Variants in LSAMP observed in about 807,000 individuals in gnomAD.
LSAMP encodes the protein limbic system associated membrane protein, also known as limbic system-associated membrane protein.
LSAMP carries 7 observed loss-of-function variants against 38.6 expected under a neutral mutation model. That is an observed-to-expected ratio of 0.18 (90% confidence interval 0.10 to 0.34). LSAMP has a LOEUF of 0.34. Ranked by LOEUF, LSAMP falls within the 10% of genes least tolerant of loss-of-function variation. The pLI, the probability that LSAMP is intolerant of heterozygous loss-of-function variation, is 1.00. For missense variants in LSAMP, 313 were observed against 420.0 expected (o/e 0.75, Z 2.23); for synonymous variants, 154 against 166.8 (o/e 0.92, Z 0.59).
intron 1 of LSAMP, among the ~76,000 whole-genome samples, chr3:116,116,064 G>A (rs958262559): frequency 1.4e-5 from 2 of 143,736 alleles, no homozygotes; most frequent in Non-Finnish European, 3.0e-5. Context: ...TTAATTGGAT[G>A]GTAGACCTCC....
At chr3:116,281,157 A>G (rs1485422235) in intron 1 of LSAMP, among the ~76,000 whole-genome samples, 1 of 152,318 alleles carries the variant, frequency 6.6e-6, no homozygotes, top group African/African-American at 2.4e-5. Flanking sequence ...GAAAATTAGA[A>G]CAGAAGATAT....
chr3:115,838,739 C>A (rs1353161106), intron 6 of LSAMP, among the ~76,000 whole-genome samples: 2 of 152,160 alleles, frequency 1.3e-5, no homozygotes, highest in African/African-American at 2.4e-5. Context: ...TATTCTTACA[C>A]CCTCATTCCA....
chr3:116,095,624 A>C (rs1708210355), intron 1 of LSAMP, among the ~76,000 whole-genome samples: 1 of 152,206 alleles, frequency 6.6e-6, no homozygotes, highest in Non-Finnish European at 1.5e-5. Flanking sequence ...GGGAAAAAAT[A>C]AGACACAAAT....
chr3:116,317,770 A>C (rs2047652596), intron 1 of LSAMP, among the ~76,000 whole-genome samples: 1 of 152,106 alleles, frequency 6.6e-6, no homozygotes. Context: ...TAAGTGAGCG[A>C]TTGGATCAAA....
chr3:116,052,572 C>T (rs60513807), intron 2 of LSAMP, among the ~76,000 whole-genome samples: 2,485 of 152,166 alleles, frequency 0.016, 61 homozygotes, highest in African/African-American at 0.055. Flanking sequence ...AAGCACCGTC[C>T]CCGTGAGGCT....
At chr3:116,216,858 T>C (rs1360578640) in intron 1 of LSAMP, among the ~76,000 whole-genome samples, 2 of 152,188 alleles carry the variant, frequency 1.3e-5, no homozygotes, top group African/African-American at 2.4e-5. Flanking sequence ...ACTTTGGAAA[T>C]AGATCGTGTT....
chr3:116,029,348 C>A (rs535451480), intron 2 of LSAMP, among the ~76,000 whole-genome samples: 2 of 152,174 alleles, frequency 1.3e-5, no homozygotes, highest in South Asian at 4.2e-4. Flanking sequence ...CATTTAGACA[C>A]AAATTTCATG....
chr3:115,948,887 C>G (rs1426197240), intron 3 of LSAMP, among the ~76,000 whole-genome samples: 2 of 152,052 alleles, frequency 1.3e-5, no homozygotes, highest in African/African-American at 4.8e-5. Context: ...AATCCCAGGA[C>G]TTTGGGAGGC....
intron 1 of LSAMP, among the ~76,000 whole-genome samples, chr3:116,130,542 G>A (rs1273977549): frequency 6.6e-6 from 1 of 152,060 alleles, no homozygotes; most frequent in African/African-American, 2.4e-5. Flanking sequence ...TCTGCAATGA[G>A]AGATACTTGT....
chr3:116,065,329 A>T (rs1291068300), intron 2 of LSAMP, among the ~76,000 whole-genome samples: 2 of 152,256 alleles, frequency 1.3e-5, no homozygotes, highest in African/African-American at 2.4e-5. Flanking sequence ...TTATCATTTC[A>T]TCAGACAGTA....
At chr3:115,888,141 C>T (rs1213742566) in intron 3 of LSAMP, among the ~76,000 whole-genome samples, 2 of 151,856 alleles carry the variant, frequency 1.3e-5, no homozygotes, top group Admixed American at 1.3e-4. Context: ...GTGTGTATAA[C>T]TATTTATATA....
intron 6 of LSAMP, among the ~76,000 whole-genome samples, chr3:115,835,245 T>A (rs1934746635): frequency 6.6e-6 from 1 of 152,198 alleles, no homozygotes. Context: ...CGAAATTTGA[T>A]CAACCAATCA....
intron 1 of LSAMP, among the ~76,000 whole-genome samples, chr3:116,181,278 T>C (rs1710479590): frequency 6.6e-6 from 1 of 152,004 alleles, no homozygotes; most frequent in African/African-American, 2.4e-5. Context: ...ACACCTTTAG[T>C]TGAGTCATTA....
At chr3:116,138,187 G>C (rs1057496480) in intron 1 of LSAMP, among the ~76,000 whole-genome samples, 4 of 152,048 alleles carry the variant, frequency 2.6e-5, no homozygotes, top group Non-Finnish European at 4.4e-5. Flanking sequence ...TTCCAACAGG[G>C]CTTGCAAATT....
chr3:116,118,538 T>C (rs1014159199), intron 1 of LSAMP, among the ~76,000 whole-genome samples: 6 of 152,170 alleles, frequency 3.9e-5, no homozygotes, highest in Admixed American at 3.3e-4. Flanking sequence ...GAAAAACAAA[T>C]CCCTTTACAG....
At chr3:116,299,302 G>C (rs575137517) in intron 1 of LSAMP, among the ~76,000 whole-genome samples, 4 of 152,170 alleles carry the variant, frequency 2.6e-5, no homozygotes, top group Admixed American at 6.5e-5. Context: ...GAGCCTAAAG[G>C]AGACAGAGTC....
At chr3:115,876,896 T>C (rs1936193416) in intron 3 of LSAMP, among the ~76,000 whole-genome samples, 1 of 152,132 alleles carries the variant, frequency 6.6e-6, no homozygotes, top group African/African-American at 2.4e-5. Context: ...AATGAATTCT[T>C]TCTTCTTATA....
chr3:116,157,634 C>T (rs1183175683), intron 1 of LSAMP, among the ~76,000 whole-genome samples: 2 of 151,992 alleles, frequency 1.3e-5, no homozygotes, highest in African/African-American at 2.4e-5. Context: ...TGGAAACATA[C>T]ACCTCTCCAA....
rs139575493 is a variant in LSAMP, at chr3:115,903,777, C to T, written c.515-51160G>A. ...ACAGGTTTTAATAGGTTAGGCAATACAATATATTTTATCAAATAATATCCT... is the reference window on the plus strand; with the variant it reads ...ACAGGTTTTAATAGGTTAGGCAATATAATATATTTTATCAAATAATATCCT... On this transcript the variant is annotated intron_variant, in intron 3 of 6. Coordinates refer to ENST00000490035, the MANE Select transcript of LSAMP (RefSeq NM_002338.5). Among the ~76,000 whole-genome samples the T allele has an allele frequency of 4.0e-3, 604 of 152,234 alleles. 3 individuals are homozygous for T. Among genetic ancestry groups the T allele is most frequent in the African/African-American group, 0.014 (565 of 41,552 alleles).
Sources: gnomAD v4.1 joint callset for allele counts (sites outside exome capture counted in the v4.1 genomes callset) on GRCh38, gnomAD v4.1.1 for gene constraint, MANE v1.5 for transcripts, NCBI Gene and HGNC (gene_info 2026-07-23, HGNC 2026-07-21) for gene names.